The following IL22RA1 variants were observed in gnomAD, a reference collection of about 807,000 sequenced individuals.
IL22RA1 encodes interleukin 22 receptor subunit alpha 1, also known as interleukin-22 receptor subunit alpha-1.
Under a neutral mutation model 32.8 loss-of-function variants are expected in IL22RA1, and 25 were observed. The observed-to-expected ratio is 0.76, with a 90% CI of 0.55 to 1.06. The LOEUF is 1.06. Ranked by LOEUF, IL22RA1 falls within the 50% of genes least tolerant of loss-of-function variation. The pLI is 0.00. For synonymous variants in IL22RA1, 305 were observed against 305.0 expected, an observed-to-expected ratio of 1.00 and a Z score of 0.00; for missense variants, 709 against 727.4, an observed-to-expected ratio of 0.97 and a Z score of 0.29.
In IL22RA1 at chr1:24,128,298, G is replaced by A; in HGVS notation, c.532-19C>T. The A allele has an allele frequency of 6.2e-7, 1 of 1,612,702 alleles. No individual in the cohort carries two copies. The highest frequency in any genetic ancestry group is 2.2e-5 in the East Asian group (1 of 44,636). On this transcript the variant is annotated intron_variant, in intron 4 of 6. Coordinates refer to ENST00000270800, the MANE Select transcript of IL22RA1 (RefSeq NM_021258.4). ...CAAGGTGCTGAATTGGACAGAGAAT[G>A]GAATGTGATTCCTGTTACACACCGA...
chr1:24,137,352 G>A (rs776297440), intron 2 of IL22RA1, 43 bp from the exon 3 acceptor site: 3 of 1,584,068 alleles, frequency 1.9e-6, no homozygotes, highest in Admixed American at 1.7e-5. Context: ...TGATGAAAAG[G>A]CCAGCGCTAG....
At chr1:24,123,572 GA>G in intron 5 of IL22RA1, 149 bp from the exon 6 acceptor site, 1 of 1,474,100 alleles carries the variant, frequency 6.8e-7, no homozygotes, top group Non-Finnish European at 9.0e-7. Flanking sequence ...ATCACAAATG[GA>G]AGTCCATATA....
intron 1 of IL22RA1, among the ~76,000 whole-genome samples, chr1:24,142,276 C>T (rs1488035833): frequency 1.3e-5 from 2 of 152,174 alleles, no homozygotes; most frequent in East Asian, 3.9e-4. Flanking sequence ...AGGGCCTGGC[C>T]GAGGCCATAC....
intron 1 of IL22RA1, 36 bp downstream of exon 1, chr1:24,143,004 A>G: frequency 6.3e-7 from 1 of 1,599,566 alleles, no homozygotes; most frequent in Non-Finnish European, 8.6e-7. Flanking sequence ...CCCCTGGGAT[A>G]AGGGAGGTCT....
intron 4 of IL22RA1, among the ~76,000 whole-genome samples, chr1:24,129,773 A>T (rs1644192633): frequency 6.6e-6 from 1 of 152,204 alleles, no homozygotes; most frequent in South Asian, 2.1e-4. Flanking sequence ...GATGGTGGTG[A>T]CAGTGAGTGA....
chr1:24,124,163 A>G (rs976064946), intron 5 of IL22RA1, among the ~76,000 whole-genome samples: 1 of 152,172 alleles, frequency 6.6e-6, no homozygotes, highest in African/African-American at 2.4e-5. Flanking sequence ...AGGGCCTTCT[A>G]AAGTGCTGGG....
chr1:24,122,068 C>G (rs185172841), intron 6 of IL22RA1, among the ~76,000 whole-genome samples: 5 of 152,064 alleles, frequency 3.3e-5, no homozygotes, highest in Non-Finnish European at 7.4e-5. Context: ...GGTGGTGGCC[C>G]GCATTGTTGC....
At chr1:24,141,348 T>C (rs1644280023) in intron 1 of IL22RA1, among the ~76,000 whole-genome samples, 1 of 151,648 alleles carries the variant, frequency 6.6e-6, no homozygotes, top group Non-Finnish European at 1.5e-5. Context: ...TGGCTTCTGG[T>C]TGGGTGGTGG....
Position 24,121,444 on chromosome 1 carries a change from T to C in IL22RA1, c.1086A>G (p.Pro362=). The C allele has an allele frequency of 1.3e-6, 2 of 1,546,564 alleles. No individual in the cohort carries two copies. Among genetic ancestry groups the C allele is most frequent in the Non-Finnish European group, 1.7e-6 (2 of 1,144,364 alleles). The part of the protein sequence containing the change: ...APNAAPEVGP[P]SYAPQVTPEA... ...CGGGGGTCACCTGAGGTGCATAGGATGGGGGCCCGACCTCAGGGGCAGCGT... is the reference window on the plus strand; with the variant it reads ...CGGGGGTCACCTGAGGTGCATAGGACGGGGGCCCGACCTCAGGGGCAGCGT... The change falls in exon 7 of 7, where the codon CCA becomes CCG. Residue 362 remains proline, a synonymous_variant. Coordinates refer to ENST00000270800, the MANE Select transcript of IL22RA1 (RefSeq NM_021258.4).
intron 1 of IL22RA1, 96 bp downstream of exon 1, chr1:24,142,944 G>T: frequency 8.4e-7 from 1 of 1,184,240 alleles, no homozygotes. Flanking sequence ...AACTGAAACT[G>T]GCTATGCTCG....
Position 24,135,506 on chromosome 1 carries a change from G to A in IL22RA1, c.356-1120C>T, listed in dbSNP as rs573972628. 3.3e-5 allele frequency among the ~76,000 whole-genome samples: 5 copies of A among 152,102 alleles called. No individual in the cohort carries two copies. In the South Asian group the frequency reaches 8.3e-4, roughly 25 times the overall value. On this transcript the variant is annotated intron_variant, in intron 3 of 6. Transcript: ENST00000270800. The stretch of plus-strand genomic sequence containing the variant: ...ACTATAAAGTCAGTTGGTGAACATC[G>A]TCACACGCTTAGCTTGTGTGGGGAG...
intron 3 of IL22RA1, among the ~76,000 whole-genome samples, chr1:24,136,488 G>C (rs549531942): frequency 6.9e-6 from 1 of 145,480 alleles, no homozygotes; most frequent in African/African-American, 2.5e-5. Context: ...CAGGGCTGGA[G>C]GTGGGGACAC....
At chr1:24,125,459 G>A (rs1375677529) in intron 5 of IL22RA1, among the ~76,000 whole-genome samples, 2 of 152,174 alleles carry the variant, frequency 1.3e-5, no homozygotes, top group Non-Finnish European at 2.9e-5. Context: ...GACCCTCCCT[G>A]TTTATCTACG....
chr1:24,121,383 A>G lies in IL22RA1; in HGVS notation c.1147T>C (p.Ser383Pro). ...QFPFYAPQAISKVQPSSYAPQ... is the reference protein window; with the variant it reads ...QFPFYAPQAIPKVQPSSYAPQ... ...GCATAGGAGGAAGGCTGGACCTTAGAGATGGCCTGTGGGGCGTAGAATGGG... is the reference window on the plus strand; with the variant it reads ...GCATAGGAGGAAGGCTGGACCTTAGGGATGGCCTGTGGGGCGTAGAATGGG... Residue 383 changes from serine to proline, a missense_variant, in exon 7 of 7, where the codon TCT becomes CCT. Ser to Pro is a moderately conservative substitution (Grantham distance 74). Coordinates refer to ENST00000270800, the MANE Select transcript of IL22RA1 (RefSeq NM_021258.4). 1 of 1,568,626 alleles carries G rather than the reference A, an allele frequency of 6.4e-7. No individual in the cohort carries two copies. The highest frequency in any genetic ancestry group is 8.7e-7 in the Non-Finnish European group (1 of 1,155,276).
intron 4 of IL22RA1, among the ~76,000 whole-genome samples, chr1:24,129,021 C>T (rs969487179): frequency 2.6e-5 from 4 of 152,162 alleles, no homozygotes; most frequent in African/African-American, 9.7e-5. Flanking sequence ...ACCTACCTTG[C>T]ATAAGAAAGC....
chr1:24,131,659 A>G (rs1644205339), intron 4 of IL22RA1, among the ~76,000 whole-genome samples: 1 of 152,246 alleles, frequency 6.6e-6, no homozygotes, highest in South Asian at 2.1e-4. Context: ...CAAATCCACA[A>G]TTATAGTTGG....
At chr1:24,134,622 G>T (rs1046153090) in intron 3 of IL22RA1, among the ~76,000 whole-genome samples, 1 of 152,146 alleles carries the variant, frequency 6.6e-6, no homozygotes, top group Non-Finnish European at 1.5e-5. Flanking sequence ...AAGAACTCAG[G>T]GGGAGGGGCA....
At chr1:24,122,387 GGT>G in intron 6 of IL22RA1, among the ~76,000 whole-genome samples, 1 of 150,328 alleles carries the variant, frequency 6.7e-6, no homozygotes, top group East Asian at 2.0e-4. Context: ...TTGGGTGGGG[GGT>G]GGTTTTATTT....
rs1396824655 is a variant in IL22RA1, at chr1:24,134,147, A to G, written c.531+64T>C. 5.0e-6 allele frequency: 7 copies of G among 1,409,264 alleles called. No homozygotes were observed. In the East Asian group the frequency reaches 1.3e-4, roughly 25 times the overall value. The allele number at this position is 1,409,264 out of a possible 1,614,324, so 87.3% of individuals were successfully genotyped here. On this transcript the variant is annotated intron_variant, in intron 4 of 6. Coordinates refer to ENST00000270800, the MANE Select transcript of IL22RA1 (RefSeq NM_021258.4). ...TCCCCTTTTTTTCTTAAAGCAACTC[A>G]GATCTAATTGGGAGGGAAGAGGCTT... is the stretch of plus-strand genomic sequence containing the variant.
Sources: allele counts gnomAD v4.1 joint callset (sites outside exome capture counted in the v4.1 genomes callset), GRCh38; gene constraint gnomAD v4.1.1; transcripts MANE v1.5; gene names NCBI Gene and HGNC (gene_info 2026-07-23, HGNC 2026-07-21).